RBKS: variants seen among roughly 807,000 people sequenced by gnomAD.
RBKS encodes the protein ribokinase.
RBKS carries 33 observed loss-of-function variants against 33.9 expected under a neutral mutation model. That is an observed-to-expected ratio of 0.97 (90% confidence interval 0.74 to 1.30). The LOEUF (loss-of-function observed/expected upper bound fraction) is 1.30. Ranked by LOEUF, RBKS falls within the 50% of genes most tolerant of loss-of-function variation. The pLI, the probability that RBKS is intolerant of heterozygous loss-of-function variation, is 0.00. For missense variants in RBKS, 361 were observed against 392.6 expected, an observed-to-expected ratio of 0.92 and a Z score of 0.68; for synonymous variants, 125 against 143.0, an observed-to-expected ratio of 0.87 and a Z score of 0.90.
intron 1 of RBKS, among the ~76,000 whole-genome samples, chr2:27,876,877 C>T (rs1664325279): frequency 6.6e-6 from 1 of 152,086 alleles, no homozygotes; most frequent in Non-Finnish European, 1.5e-5. Context: ...ATACTAAGTA[C>T]TCTGATATTG....
At chr2:27,790,729 A>G (rs1173644106) in intron 7 of RBKS, among the ~76,000 whole-genome samples, 1 of 152,230 alleles carries the variant, frequency 6.6e-6, no homozygotes, top group African/African-American at 2.4e-5. Context: ...AGATGGCATT[A>G]TATACCTAGT....
intron 7 of RBKS, among the ~76,000 whole-genome samples, chr2:27,800,249 A>T (rs1345372683): frequency 6.6e-6 from 1 of 152,066 alleles, no homozygotes; most frequent in East Asian, 1.9e-4. Context: ...TGGTAAATTC[A>T]CTGTCTTTTC....
chr2:27,866,583 T>C (rs1431234134), intron 1 of RBKS, among the ~76,000 whole-genome samples: 3 of 152,344 alleles, frequency 2.0e-5, no homozygotes, highest in African/African-American at 7.2e-5. Context: ...GCATTTTTTT[T>C]CTCTGTGCTT....
At chr2:27,785,152 A>T (rs926595077) in intron 7 of RBKS, among the ~76,000 whole-genome samples, 3 of 152,372 alleles carry the variant, frequency 2.0e-5, no homozygotes, top group Admixed American at 2.0e-4. Context: ...ATTTTTGTAT[A>T]ACCCCAGACG....
At position 27,827,765 on chromosome 2, in the gene RBKS, A is replaced by G. The variant is rs753878390; in HGVS notation, c.607-10T>C. ...CAGTTAAAATCTCAGCCTAGAATAC[A>G]CAAAAGTCAACAGAAACAGTGGTGA... On this transcript the variant is annotated splice_polypyrimidine_tract_variant and intron_variant, in intron 6 of 7. Transcript: ENST00000302188. 1.6e-5 allele frequency: 25 copies of G among 1,561,068 alleles called. No homozygotes were observed. The highest frequency in any genetic ancestry group is 2.1e-5 in the Non-Finnish European group (24 of 1,155,954).
chr2:27,805,407 A>G (rs1677877021), intron 7 of RBKS, among the ~76,000 whole-genome samples: 1 of 152,138 alleles, frequency 6.6e-6, no homozygotes, highest in Admixed American at 6.6e-5. Context: ...CAGGCATAAA[A>G]TGATATTTTT....
intron 1 of RBKS, among the ~76,000 whole-genome samples, chr2:27,859,824 T>C (rs1663935686): frequency 1.3e-5 from 2 of 152,204 alleles, no homozygotes; most frequent in Non-Finnish European, 2.9e-5. Flanking sequence ...TCCACATAGG[T>C]TGTGATCTAT....
intron 2 of RBKS, among the ~76,000 whole-genome samples, chr2:27,851,469 T>C (rs529712981): frequency 6.6e-6 from 1 of 152,324 alleles, no homozygotes; most frequent in Non-Finnish European, 1.5e-5. Flanking sequence ...TTGATCACAT[T>C]AGTTGTCCTT....
intron 1 of RBKS, among the ~76,000 whole-genome samples, chr2:27,876,763 TG>T (rs1664323326): frequency 6.6e-6 from 1 of 152,114 alleles, no homozygotes; most frequent in Non-Finnish European, 1.5e-5. Context: ...TAAAAAAATG[TG>T]GATGTACTTA....
At chr2:27,812,685 C>T (rs1023591397) in intron 7 of RBKS, among the ~76,000 whole-genome samples, 2 of 152,042 alleles carry the variant, frequency 1.3e-5, no homozygotes, top group Non-Finnish European at 2.9e-5. Context: ...GGAAGGGGAA[C>T]ATCACACACC....
intron 2 of RBKS, among the ~76,000 whole-genome samples, chr2:27,855,841 A>G (rs1167927298): frequency 2.6e-5 from 4 of 152,194 alleles, no homozygotes; most frequent in Admixed American, 1.3e-4. Flanking sequence ...ACTTCATAAG[A>G]GTTTGAATTT....
intron 7 of RBKS, among the ~76,000 whole-genome samples, chr2:27,813,376 C>A (rs1215001394): frequency 6.6e-6 from 1 of 151,898 alleles, no homozygotes; most frequent in African/African-American, 2.4e-5. Flanking sequence ...TGATTAAAGA[C>A]AAAATAAGAA....
At chr2:27,838,587 AATGCC>A (rs1663370833) in intron 5 of RBKS, among the ~76,000 whole-genome samples, 1 of 152,236 alleles carries the variant, frequency 6.6e-6, no homozygotes, top group African/African-American at 2.4e-5. Flanking sequence ...GAAAAGTGTA[AATGCC>A]ATAAAGAAAG....
At chr2:27,843,450 C>A (rs975066254) in intron 4 of RBKS, among the ~76,000 whole-genome samples, 2 of 152,082 alleles carry the variant, frequency 1.3e-5, no homozygotes, top group African/African-American at 4.8e-5. Flanking sequence ...TCACCTTAAG[C>A]AAAATCTTAA....
chr2:27,856,735 C>T (rs552033529), intron 2 of RBKS, among the ~76,000 whole-genome samples: 8 of 152,278 alleles, frequency 5.3e-5, no homozygotes, highest in South Asian at 4.1e-4. Flanking sequence ...TAGCTTCCAA[C>T]GCCAATTCTA....
At chr2:27,794,074 C>T (rs960252520) in intron 7 of RBKS, among the ~76,000 whole-genome samples, 25 of 151,782 alleles carry the variant, frequency 1.6e-4, no homozygotes, top group Non-Finnish European at 3.5e-4. Context: ...CCAAGGCTGG[C>T]GGATCACCTG....
At chr2:27,864,577 T>C (rs573209823) in intron 1 of RBKS, among the ~76,000 whole-genome samples, 53 of 152,296 alleles carry the variant, frequency 3.5e-4, no homozygotes, top group African/African-American at 1.3e-3. Context: ...ACATCTCTGC[T>C]CAAATGTTAC....
At chr2:27,866,138 T>G (rs1664093861) in intron 1 of RBKS, among the ~76,000 whole-genome samples, 1 of 152,204 alleles carries the variant, frequency 6.6e-6, no homozygotes, top group Admixed American at 6.5e-5. Flanking sequence ...TTTATTTTCC[T>G]AAAAAGTCTT....
intron 7 of RBKS, among the ~76,000 whole-genome samples, chr2:27,784,878 A>G (rs1677369305): frequency 6.6e-6 from 1 of 152,152 alleles, no homozygotes; most frequent in Non-Finnish European, 1.5e-5. Context: ...TGCAATGGAG[A>G]AAGAGACAGA....
Sources: gnomAD v4.1 joint callset for allele counts (sites outside exome capture counted in the v4.1 genomes callset) on GRCh38, gnomAD v4.1.1 for gene constraint, MANE v1.5 for transcripts, NCBI Gene and HGNC (gene_info 2026-07-23, HGNC 2026-07-21) for gene names.